Variants in PRLR observed in about 807,000 individuals in gnomAD.
PRLR encodes the protein prolactin receptor.
PRLR carries 13 observed loss-of-function variants against 40.2 expected under a neutral mutation model. The ratio of observed to expected loss-of-function variants is 0.32; its 90% CI spans 0.21 to 0.51. The LOEUF is 0.51. PRLR is among the 20% of genes least tolerant of loss of function. The pLI is 0.97. For missense variants in PRLR, 656 were observed against 747.3 expected (o/e 0.88, Z 1.42); for synonymous variants, 269 against 278.7 (o/e 0.97, Z 0.35).
At chr5:35,173,867 T>C (rs752718779) in intron 1 of PRLR, among the ~76,000 whole-genome samples, 3 of 152,182 alleles carry the variant, frequency 2.0e-5, no homozygotes, top group Non-Finnish European at 4.4e-5. Context: ...AGTTCTAGGG[T>C]ACGTGTGCAC....
At chr5:35,174,920 G>A (rs57579203) in intron 1 of PRLR, among the ~76,000 whole-genome samples, 1 of 152,088 alleles carries the variant, frequency 6.6e-6, no homozygotes, top group Non-Finnish European at 1.5e-5. Flanking sequence ...GCTCAGAGAG[G>A]CAAGAATGGG....
chr5:35,176,729 T>G (rs1273262809), intron 1 of PRLR, among the ~76,000 whole-genome samples: 2 of 152,150 alleles, frequency 1.3e-5, no homozygotes, highest in Non-Finnish European at 2.9e-5. Context: ...TGTCCAAGGT[T>G]TCTCCCCATG....
At chr5:35,187,048 G>A (rs2111994778) in intron 1 of PRLR, among the ~76,000 whole-genome samples, 1 of 152,256 alleles carries the variant, frequency 6.6e-6, no homozygotes, top group South Asian at 2.1e-4. Context: ...TTCAGTAGCT[G>A]CAGGATCCTG....
intron 1 of PRLR, among the ~76,000 whole-genome samples, chr5:35,140,461 T>C (rs1235456415): frequency 1.3e-5 from 2 of 152,258 alleles, no homozygotes; most frequent in Non-Finnish European, 1.5e-5. Context: ...CCTGAGAAAA[T>C]AGACTAGGTA....
rs556986741 is a variant in PRLR at position 35,061,833 on chromosome 5, A to G, written c.*3256T>C. On this transcript the variant is annotated 3_prime_UTR_variant, in exon 10 of 10. Transcript: ENST00000618457. ...GCCAACTGTGCAATGGTTGTTAACA[A>G]TCTAGGATGGTGCAAGGAAAAAAAT... The G allele has an allele frequency of 3.3e-5, 5 of 152,288 alleles. No individual in the cohort carries two copies. The highest frequency in any genetic ancestry group is 1.2e-4 in the African/African-American group (5 of 41,566). The allele number at this position is 152,288 out of a possible 1,614,324, so 9.4% of individuals were successfully genotyped here.
At chr5:35,050,980 A>C (rs1369678702), downstream of PRLR, among the ~76,000 whole-genome samples, 1 of 152,224 alleles carries the variant, frequency 6.6e-6, no homozygotes, top group Non-Finnish European at 1.5e-5. Context: ...TAAGAAGAGA[A>C]TAACTGCTTA....
chr5:35,115,836 G>C (rs551149967), intron 2 of PRLR, among the ~76,000 whole-genome samples: 1 of 152,086 alleles, frequency 6.6e-6, no homozygotes, highest in African/African-American at 2.4e-5. Flanking sequence ...CATATAAAAG[G>C]CTGCAAAATG....
chr5:35,075,661 T>A (rs1770038375), intron 5 of PRLR, among the ~76,000 whole-genome samples: 1 of 152,158 alleles, frequency 6.6e-6, no homozygotes, highest in South Asian at 2.1e-4. Flanking sequence ...GACTTAAACG[T>A]CCCTGTCTGA....
rs141962212 is a variant in PRLR, at chr5:35,185,347, C to G, written c.-106+44921G>C. 2.4e-3 allele frequency among the ~76,000 whole-genome samples: 363 copies of G among 152,194 alleles called. 2 individuals are homozygous for G. The highest frequency in any genetic ancestry group is 8.3e-3 in the African/African-American group (345 of 41,500). ...TATTCCACAAGTCTGGCCAGATGAC[C>G]CCAGTCCCTTCTAAGGTAGTATGCT... On this transcript the variant is annotated intron_variant, in intron 1 of 9. Transcript: ENST00000618457.
intron 1 of PRLR, among the ~76,000 whole-genome samples, chr5:35,127,600 T>C (rs1490399953): frequency 6.6e-6 from 1 of 152,222 alleles, no homozygotes; most frequent in African/African-American, 2.4e-5. Flanking sequence ...AAAATACTAG[T>C]GTGTTGTCCA....
chr5:35,156,721 A>G (rs751958986), intron 1 of PRLR, among the ~76,000 whole-genome samples: 2 of 152,146 alleles, frequency 1.3e-5, no homozygotes, highest in Non-Finnish European at 2.9e-5. Flanking sequence ...GCTCAAAGTT[A>G]TCATGTCTGC....
At chr5:35,181,055 G>A (rs1181511466) in intron 1 of PRLR, among the ~76,000 whole-genome samples, 1 of 152,188 alleles carries the variant, frequency 6.6e-6, no homozygotes, top group African/African-American at 2.4e-5. Context: ...GTATGTCCTT[G>A]AGTAAAAGTA....
chr5:35,222,430 G>C (rs1264058790), intron 1 of PRLR, among the ~76,000 whole-genome samples: 1 of 152,204 alleles, frequency 6.6e-6, no homozygotes, highest in African/African-American at 2.4e-5. Flanking sequence ...CAGCCGTAAA[G>C]TGTGGGGCTA....
chr5:35,145,102 T>C (rs542719997), intron 1 of PRLR, among the ~76,000 whole-genome samples: 1 of 152,336 alleles, frequency 6.6e-6, no homozygotes, highest in South Asian at 2.1e-4. Flanking sequence ...TATTATGAAC[T>C]GTGGAAAGCT....
chr5:35,191,048 C>CTTTTTTTTTTTTT (rs869174221), intron 1 of PRLR, among the ~76,000 whole-genome samples: 1 of 68,166 alleles, frequency 1.5e-5, no homozygotes, highest in South Asian at 5.6e-4. Flanking sequence ...GTGTTATTTT[C>CTTTTTTTTTTTTT]TTTTTTTTTT....
chr5:35,207,288 ATAAT>A (rs1272978946), intron 1 of PRLR, among the ~76,000 whole-genome samples: 1 of 152,088 alleles, frequency 6.6e-6, no homozygotes, highest in African/African-American at 2.4e-5. Context: ...ATGAACACTT[ATAAT>A]TAATTATAAT....
At chr5:35,081,414 C>A in intron 5 of PRLR, 1 of 199,840 alleles carries the variant, frequency 5.0e-6, no homozygotes, top group South Asian at 9.3e-5. Flanking sequence ...TCCCCACCAT[C>A]GTGTCAGTGG....
chr5:35,065,858 G>A lies in PRLR; in HGVS notation c.1100C>T (p.Pro367Leu). 1 of 1,614,094 alleles carries A rather than the reference G, an allele frequency of 6.2e-7. No individual in the cohort carries two copies. The highest frequency in any genetic ancestry group is 8.5e-7 in the Non-Finnish European group (1 of 1,180,014). ...PSLLSEKCEE[P>L]QANPSTFYDP... Reference sequence around the variant, plus strand: ...ATAGAATGTGGAGGGATTGGCCTGGGGTTCCTCACACTTTTCAGACAAAAG... The same window carrying A: ...ATAGAATGTGGAGGGATTGGCCTGGAGTTCCTCACACTTTTCAGACAAAAG... The change falls in exon 10 of 10, where the codon CCC becomes CTC. Residue 367 changes from proline to leucine, a missense_variant. Transcript: ENST00000618457.
intron 1 of PRLR, among the ~76,000 whole-genome samples, chr5:35,210,730 A>G (rs1361998558): frequency 6.6e-6 from 1 of 151,672 alleles, no homozygotes; most frequent in African/African-American, 2.4e-5. Context: ...TTTTTTTTTG[A>G]GACAGGTCTA....
Sources: allele counts gnomAD v4.1 joint callset (sites outside exome capture counted in the v4.1 genomes callset), GRCh38; gene constraint gnomAD v4.1.1; transcripts MANE v1.5; gene names NCBI Gene and HGNC (gene_info 2026-07-23, HGNC 2026-07-21).